AMMECR1: variants seen among roughly 807,000 people sequenced by gnomAD.
The protein encoded by AMMECR1 is nuclear protein AMMECR1.
AMMECR1 carries 3 observed loss-of-function variants against 22.5 expected under a neutral mutation model. The ratio of observed to expected loss-of-function variants is 0.13; its 90% CI spans 0.06 to 0.35. The LOEUF is 0.35. AMMECR1 is among the 10% of genes least tolerant of loss of function. AMMECR1 has a pLI of 1.00. For synonymous variants in AMMECR1, 130 were observed against 116.7 expected (o/e 1.11, Z -0.74); for missense variants, 235 against 278.7 (o/e 0.84, Z 1.12).
At chrX:110,284,322 C>T (rs2067868281) in intron 1 of AMMECR1, among the ~76,000 whole-genome samples, 1 of 110,979 alleles carries the variant, frequency 9.0e-6, no homozygotes, top group Non-Finnish European at 1.9e-5. Context: ...TAGAAAGTCT[C>T]CTTCGAATAT....
At chrX:110,395,872 C>A (rs1355058114) in intron 2 of AMMECR1, among the ~76,000 whole-genome samples, 2 of 111,307 alleles carry the variant, frequency 1.8e-5, no homozygotes, top group East Asian at 5.7e-4. Context: ...CTGGCTGCTA[C>A]TGGAGGCCAG....
chrX:110,294,346 A>C (rs1312791572), intron 1 of AMMECR1, among the ~76,000 whole-genome samples: 2 of 111,932 alleles, frequency 1.8e-5, no homozygotes, highest in Admixed American at 1.9e-4. Flanking sequence ...ATTTCTAAAA[A>C]ACTGCTAAGC....
chrX:110,317,922 A>G lies in AMMECR1; in HGVS notation c.150T>C (p.Gly50=), dbSNP rs1448485836. Residue 50 remains glycine (G), a synonymous_variant, in exon 1 of 6, where the codon GGT becomes GGC. Transcript: ENST00000262844. ...GACCTCCCAGCCCGTTGAGCCGCGT[A>G]CCGGCGCCTCCTAGTCCCAGCTCCC... ...RAGELGLGGA[G]TRLNGLGGLT... The G allele has an allele frequency of 8.4e-7, 1 of 1,194,815 alleles. No individual in the cohort carries two copies.
chrX:110,423,049 C>T (rs1455823113), intron 2 of AMMECR1, among the ~76,000 whole-genome samples: 1 of 111,994 alleles, frequency 8.9e-6, no homozygotes, highest in Non-Finnish European at 1.9e-5. Flanking sequence ...CAGAGGAGGC[C>T]GGGCGCGGTG....
intron 1 of AMMECR1, among the ~76,000 whole-genome samples, chrX:110,295,842 CT>C (rs778061266): frequency 6.3e-5 from 7 of 111,866 alleles, no homozygotes; most frequent in African/African-American, 2.3e-4. Flanking sequence ...CTCCCTCCCC[CT>C]ATGTGCTATT....
chrX:110,380,495 C>G (rs905654410), intron 2 of AMMECR1, among the ~76,000 whole-genome samples: 1 of 112,091 alleles, frequency 8.9e-6, no homozygotes, highest in African/African-American at 3.2e-5. Context: ...TTAGAAGAAT[C>G]AATATTGTTA....
intron 2 of AMMECR1, among the ~76,000 whole-genome samples, chrX:110,383,346 T>C (rs1173164069): frequency 9.0e-6 from 1 of 111,578 alleles, no homozygotes; most frequent in African/African-American, 3.3e-5. Context: ...TAGCAAAATT[T>C]GTTTCCCAAG....
At chrX:110,318,181 G>A, upstream of AMMECR1, 4 of 691,241 alleles carry the variant, frequency 5.8e-6, no homozygotes, top group Non-Finnish European at 7.3e-6. Context: ...AGAGGCTGGC[G>A]GGGCGCGCGC....
intron 2 of AMMECR1, among the ~76,000 whole-genome samples, chrX:110,423,369 A>G (rs1207735912): frequency 9.1e-6 from 1 of 110,104 alleles, no homozygotes; most frequent in African/African-American, 3.3e-5. Flanking sequence ...AGGAAGGAGA[A>G]GGAGAAGAAG....
chrX:110,276,159 A>T (rs1438690189), intron 1 of AMMECR1, among the ~76,000 whole-genome samples: 2 of 111,147 alleles, frequency 1.8e-5, no homozygotes, highest in Non-Finnish European at 3.8e-5. Flanking sequence ...TGCAGCATCT[A>T]ATTTGCTATT....
intron 1 of AMMECR1, among the ~76,000 whole-genome samples, chrX:110,283,826 T>C (rs1346110041): frequency 8.9e-6 from 1 of 112,115 alleles, no homozygotes; most frequent in Non-Finnish European, 1.9e-5. Flanking sequence ...AAATATTTAA[T>C]TAAAATAAAA....
chrX:110,346,298 G>T (rs913795551), intron 2 of AMMECR1, among the ~76,000 whole-genome samples: 2 of 111,717 alleles, frequency 1.8e-5, no homozygotes, highest in African/African-American at 3.3e-5. Context: ...TCAAAAAAAA[G>T]TGGACATAGG....
At chrX:110,235,789 G>C (rs1366856066) in intron 2 of AMMECR1, among the ~76,000 whole-genome samples, 1 of 110,999 alleles carries the variant, frequency 9.0e-6, no homozygotes, top group East Asian at 2.8e-4. Flanking sequence ...CAGGGTGCGG[G>C]ACATCACACA....
intron 2 of AMMECR1, among the ~76,000 whole-genome samples, chrX:110,218,177 G>A (rs1051921909): frequency 9.0e-6 from 1 of 110,963 alleles, no homozygotes; most frequent in African/African-American, 3.3e-5. Flanking sequence ...ACGTGTGTGT[G>A]TAACCACCCG....
At chrX:110,406,437 C>T (rs752185758) in intron 2 of AMMECR1, among the ~76,000 whole-genome samples, 1 of 111,941 alleles carries the variant, frequency 8.9e-6, no homozygotes, top group East Asian at 2.8e-4. Flanking sequence ...GACGTGAACT[C>T]ATTCTTTTTT....
intron 1 of AMMECR1, among the ~76,000 whole-genome samples, chrX:110,431,323 CTGTGTGTGTGTG>C (rs759432836): frequency 1.1e-5 from 1 of 94,948 alleles, no homozygotes; most frequent in South Asian, 4.9e-4. Context: ...GAGGGGAAGG[CTGTGTGTGTGTG>C]TGTGTGTGTG....
At chrX:110,233,499 G>A (rs892904068) in intron 2 of AMMECR1, among the ~76,000 whole-genome samples, 5 of 111,699 alleles carry the variant, frequency 4.5e-5, no homozygotes, top group Non-Finnish European at 9.4e-5. Context: ...AACATCATCC[G>A]GATACCAAAG....
At chrX:110,430,114 C>G (rs1476708039) in intron 1 of AMMECR1, among the ~76,000 whole-genome samples, 1 of 112,255 alleles carries the variant, frequency 8.9e-6, no homozygotes, top group African/African-American at 3.2e-5. Flanking sequence ...ATTGTTTAGT[C>G]CCAAAGGCAA....
intron 2 of AMMECR1, among the ~76,000 whole-genome samples, chrX:110,239,037 A>C (rs1030291791): frequency 1.8e-5 from 2 of 111,961 alleles, no homozygotes; most frequent in Non-Finnish European, 3.8e-5. Flanking sequence ...CCAAAACCCC[A>C]TCTGAAGGTC....
Sources: allele counts gnomAD v4.1 joint callset (sites outside exome capture counted in the v4.1 genomes callset), GRCh38; gene constraint gnomAD v4.1.1; transcripts MANE v1.5; gene names NCBI Gene and HGNC (gene_info 2026-07-23, HGNC 2026-07-21).